The following KAZN variants were observed in gnomAD, a reference collection of about 807,000 sequenced individuals.
KAZN encodes the protein kazrin.
Under a neutral mutation model 87.4 loss-of-function variants are expected in KAZN, and 40 were observed. The ratio of observed to expected loss-of-function variants is 0.46; its 90% CI spans 0.36 to 0.60. KAZN has a LOEUF of 0.60. Among genes scored for constraint, KAZN ranks in the 20% least tolerant of loss-of-function variants. KAZN has a pLI of 0.00. For synonymous variants in KAZN, 466 were observed against 458.3 expected, an observed-to-expected ratio of 1.02 and a Z score of -0.22; for missense variants, 898 against 1,073.9, an observed-to-expected ratio of 0.84 and a Z score of 2.29.
intron 13 of KAZN, 175 bp from the exon 14 acceptor site, chr1:15,112,252 G>A (rs1215084306): frequency 1.1e-5 from 7 of 609,120 alleles, no homozygotes; most frequent in African/African-American, 3.7e-5. Context: ...TGAGAATCAC[G>A]CTTATAAAGT....
chr1:14,698,469 TCG>T, intron 1 of KAZN, among the ~76,000 whole-genome samples: 1 of 152,344 alleles, frequency 6.6e-6, no homozygotes, highest in East Asian at 1.9e-4. Context: ...GCTTGCTGCT[TCG>T]AGGCTGTCCC....
At chr1:14,924,094 C>T (rs1256790039) in intron 1 of KAZN, 5 of 978,628 alleles carry the variant, frequency 5.1e-6, no homozygotes, top group East Asian at 1.2e-4. Context: ...CAGTCGCCAG[C>T]CCGGAAGGAG....
At chr1:14,041,056 G>A (rs1282909184) in intron 1 of KAZN, among the ~76,000 whole-genome samples, 1 of 152,156 alleles carries the variant, frequency 6.6e-6, no homozygotes, top group Admixed American at 6.5e-5. Context: ...TCGCTTGGCA[G>A]CTTCACTTTG....
chr1:14,545,860 T>A (rs1406727580), intron 2 of KAZN, among the ~76,000 whole-genome samples: 1 of 152,170 alleles, frequency 6.6e-6, no homozygotes, highest in Non-Finnish European at 1.5e-5. Flanking sequence ...TACATGTTAC[T>A]TTAGCTCATA....
chr1:14,608,824 G>A (rs1047437020), intron 1 of KAZN, among the ~76,000 whole-genome samples: 3 of 152,192 alleles, frequency 2.0e-5, no homozygotes, highest in South Asian at 2.1e-4. Context: ...AAATGAATTC[G>A]TTCATTTTCC....
At chr1:14,910,061 T>TAATG (rs113826124) in intron 1 of KAZN, among the ~76,000 whole-genome samples, 29,199 of 147,214 alleles carry the variant, frequency 0.2, 3,353 homozygotes, top group South Asian at 0.31. Flanking sequence ...AATAAATAAA[T>TAATG]AATGAATGAA....
chr1:15,083,712 C>G (rs1441891823), intron 8 of KAZN, among the ~76,000 whole-genome samples: 1 of 152,200 alleles, frequency 6.6e-6, no homozygotes, highest in East Asian at 1.9e-4. Flanking sequence ...GTCTCTCACT[C>G]TGAGTCATGG....
chr1:14,488,132 A>C (rs954902071), intron 2 of KAZN, among the ~76,000 whole-genome samples: 10 of 152,338 alleles, frequency 6.6e-5, no homozygotes, highest in Non-Finnish European at 1.3e-4. Context: ...TTTGCAGAAG[A>C]AACCTGTCTC....
intron 2 of KAZN, among the ~76,000 whole-genome samples, chr1:14,359,240 G>A (rs10754852): frequency 6.6e-6 from 1 of 152,022 alleles, no homozygotes; most frequent in Non-Finnish European, 1.5e-5. Flanking sequence ...AGGATTACAA[G>A]CCCTGCTTTT....
intron 2 of KAZN, among the ~76,000 whole-genome samples, chr1:14,378,678 G>A (rs1236153717): frequency 2.6e-5 from 4 of 152,138 alleles, no homozygotes; most frequent in Admixed American, 2.0e-4. Context: ...ATGCCTGCCC[G>A]CAGAGGGAAT....
At chr1:13,899,683 G>A (rs1402349024) in intron 1 of KAZN, among the ~76,000 whole-genome samples, 1 of 142,584 alleles carries the variant, frequency 7.0e-6, no homozygotes, top group Non-Finnish European at 1.5e-5. Flanking sequence ...TCGCACTGTC[G>A]CCCAGGCTGG....
chr1:13,979,689 G>A (rs1638559393), intron 1 of KAZN, among the ~76,000 whole-genome samples: 1 of 152,178 alleles, frequency 6.6e-6, no homozygotes, highest in Admixed American at 6.5e-5. Flanking sequence ...AGTACTTTGG[G>A]AGGCCGAGGC....
At chr1:14,064,879 C>A (rs1472277910) in intron 1 of KAZN, among the ~76,000 whole-genome samples, 1 of 152,120 alleles carries the variant, frequency 6.6e-6, no homozygotes, top group African/African-American at 2.4e-5. Context: ...CCAGGCCAGT[C>A]CCCACCCAAG....
intron 1 of KAZN, among the ~76,000 whole-genome samples, chr1:13,907,034 T>C (rs1050944128): frequency 4.2e-4 from 64 of 152,234 alleles, no homozygotes; most frequent in African/African-American, 1.4e-3. Context: ...GGTGGGCTTC[T>C]TGTTCTATTA....
intron 1 of KAZN, among the ~76,000 whole-genome samples, chr1:14,764,633 G>A (rs1644840435): frequency 6.6e-6 from 1 of 152,048 alleles, no homozygotes. Flanking sequence ...AGAACAAATG[G>A]ATGAAGAAAT....
At chr1:14,372,018 AGTC>A (rs141525734) in intron 2 of KAZN, among the ~76,000 whole-genome samples, 429 of 152,372 alleles carry the variant, frequency 2.8e-3, no homozygotes, top group African/African-American at 9.9e-3. Context: ...TCATGTGAAT[AGTC>A]GTCATCTCAT....
At chr1:15,015,341 C>T (rs1446890947) in intron 2 of KAZN, among the ~76,000 whole-genome samples, 2 of 152,002 alleles carry the variant, frequency 1.3e-5, no homozygotes, top group East Asian at 3.9e-4. Context: ...TTAGTAGAGA[C>T]GGGATTTCGC....
chr1:14,452,952 G>C (rs978612131), intron 2 of KAZN, among the ~76,000 whole-genome samples: 4 of 152,024 alleles, frequency 2.6e-5, no homozygotes, highest in African/African-American at 4.8e-5. Context: ...GGCCTCTTTT[G>C]TTGTTGCTGT....
intron 2 of KAZN, among the ~76,000 whole-genome samples, chr1:14,562,712 G>T (rs1418142318): frequency 6.6e-6 from 1 of 152,230 alleles, no homozygotes; most frequent in Non-Finnish European, 1.5e-5. Flanking sequence ...TATTTCTGCA[G>T]ATGTTCACTG....
Sources: allele counts gnomAD v4.1 joint callset (sites outside exome capture counted in the v4.1 genomes callset), GRCh38; gene constraint gnomAD v4.1.1; transcripts MANE v1.5; gene names NCBI Gene and HGNC (gene_info 2026-07-23, HGNC 2026-07-21).